The following NEK10 variants were observed in gnomAD, a reference collection of about 807,000 sequenced individuals.
NEK10 encodes NIMA related kinase 10.
Under a neutral mutation model 159.8 loss-of-function variants are expected in NEK10, and 122 were observed. That is an observed-to-expected ratio of 0.76 (90% CI 0.66 to 0.89). The LOEUF (loss-of-function observed/expected upper bound fraction) is 0.89, where lower values mean the gene tolerates loss of function less well. NEK10 is among the 40% of genes least tolerant of loss of function. The probability of loss-of-function intolerance (pLI) is 0.00; values close to 1 mark genes in which losing one functional copy is unlikely to be tolerated. For missense variants in NEK10, 1,342 were observed against 1,323.1 expected (o/e 1.01, Z -0.22); for synonymous variants, 466 against 457.1 (o/e 1.02, Z -0.25).
At chr3:27,328,213 T>C (rs562485708) in intron 5 of NEK10, among the ~76,000 whole-genome samples, 14 of 152,326 alleles carry the variant, frequency 9.2e-5, no homozygotes, top group African/African-American at 2.9e-4. Flanking sequence ...TCATCACCTG[T>C]GATCAGCCAA....
chr3:27,289,964 T>C (rs568595197), intron 19 of NEK10, among the ~76,000 whole-genome samples: 3 of 152,216 alleles, frequency 2.0e-5, no homozygotes, highest in African/African-American at 7.2e-5. Context: ...GCAAAGCTGA[T>C]AGTGCACCAC....
At chr3:27,327,393 T>C (rs3920005) in intron 5 of NEK10, among the ~76,000 whole-genome samples, 54,676 of 151,762 alleles carry the variant, frequency 0.36, 12,094 homozygotes, top group East Asian at 0.74. Flanking sequence ...ACTGAACTTA[T>C]GCCACTGTTT....
At chr3:27,264,338 G>A (rs942081888) in intron 22 of NEK10, among the ~76,000 whole-genome samples, 2 of 152,084 alleles carry the variant, frequency 1.3e-5, no homozygotes, top group African/African-American at 4.8e-5. Flanking sequence ...GGCATGACAA[G>A]AAAAGAAAAC....
chr3:27,196,879 A>G (rs1575194118), intron 25 of NEK10, among the ~76,000 whole-genome samples: 3 of 152,218 alleles, frequency 2.0e-5, no homozygotes, highest in African/African-American at 7.2e-5. Flanking sequence ...AATCACAGAG[A>G]TGAGCAGTTT....
intron 29 of NEK10, among the ~76,000 whole-genome samples, chr3:27,163,854 T>C (rs529031852): frequency 6.6e-6 from 1 of 152,338 alleles, no homozygotes; most frequent in South Asian, 2.1e-4. Context: ...GATAATTCTC[T>C]TGTCCCAACC....
intron 12 of NEK10, among the ~76,000 whole-genome samples, 191 bp from the exon 13 acceptor site, chr3:27,302,026 AT>A (rs2043865312): frequency 1.3e-5 from 2 of 152,022 alleles, no homozygotes; most frequent in South Asian, 2.1e-4. Context: ...ATGGTTACTG[AT>A]TTCTCACTAT....
At chr3:27,139,952 A>G (rs1489055915) in intron 31 of NEK10, among the ~76,000 whole-genome samples, 1 of 152,216 alleles carries the variant, frequency 6.6e-6, no homozygotes, top group Non-Finnish European at 1.5e-5. Flanking sequence ...GAGGCCAGGT[A>G]TGACACCGAA....
intron 19 of NEK10, among the ~76,000 whole-genome samples, chr3:27,290,179 C>A (rs1024660094): frequency 6.6e-6 from 1 of 152,060 alleles, no homozygotes; most frequent in African/African-American, 2.4e-5. Context: ...ACATAATAAC[C>A]CAACTTGAAA....
At chr3:27,141,336 GCTAAA>G (rs1943764548) in intron 31 of NEK10, 141 bp downstream of exon 31, 2 of 524,510 alleles carry the variant, frequency 3.8e-6, no homozygotes, top group Non-Finnish European at 6.6e-6. Flanking sequence ...CAGCTCTGCT[GCTAAA>G]CTAAAGTGTC....
chr3:27,181,498 G>A (rs984523712), intron 26 of NEK10, among the ~76,000 whole-genome samples: 1 of 152,054 alleles, frequency 6.6e-6, no homozygotes, highest in African/African-American at 2.4e-5. Context: ...CTCAGGAGTG[G>A]CAAAGGCAGA....
At chr3:27,227,995 G>GTTA (rs1341001935) in intron 23 of NEK10, among the ~76,000 whole-genome samples, 1 of 152,152 alleles carries the variant, frequency 6.6e-6, no homozygotes, top group Non-Finnish European at 1.5e-5. Flanking sequence ...CTTCTAGCTA[G>GTTA]TTATTATTAC....
chr3:27,331,262 A>AAAAAAAAAAAAAAAACACAC, intron 5 of NEK10, among the ~76,000 whole-genome samples: 32 of 110,132 alleles, frequency 2.9e-4, no homozygotes, highest in African/African-American at 8.4e-4. Flanking sequence ...AAAAAAAAAA[A>AAAAAAAAAAAAAAAACACAC]ACACACAAAC....
chr3:27,295,478 G>C, intron 15 of NEK10, 135 bp downstream of exon 15: 2 of 1,014,368 alleles, frequency 2.0e-6, no homozygotes, highest in Middle Eastern at 2.3e-4. Context: ...AGTCTTCCTT[G>C]CCAGATATTT....
rs10574966 is a variant in NEK10 at position 27,212,505 on chromosome 3, ACT to A, written c.2091-9950_2091-9949del. ...CGACAGCTTCCTCACAACCAATTTCACTCTGTCTCCCTATTCCCATTTGCTGA... is the reference window on the plus strand; with the variant it reads ...CGACAGCTTCCTCACAACCAATTTCACTGTCTCCCTATTCCCATTTGCTGA... On this transcript the variant is annotated intron_variant, in intron 23 of 35. Coordinates refer to ENST00000691995, the MANE Select transcript of NEK10 (RefSeq NM_001394966.1). Among the ~76,000 whole-genome samples, 683 of 152,238 alleles carry A rather than the reference ACT, an allele frequency of 4.5e-3. 6 individuals are homozygous for A. Among genetic ancestry groups the A allele is most frequent in the African/African-American group, 0.016 (650 of 41,528 alleles).
In NEK10 at chr3:27,131,944, C is replaced by A. The variant is rs142775446; in HGVS notation, c.3017G>T (p.Arg1006Ile). Residue 1006 changes from arginine (R) to isoleucine (I), a missense_variant, in exon 32 of 36, where the codon AGA becomes ATA. By Grantham distance (97) the Arg-to-Ile change is moderately conservative. Coordinates refer to ENST00000691995, the MANE Select transcript of NEK10 (RefSeq NM_001394966.1). ...CTGGCTGAAGAGGGATTTCTTGAAT[C>A]TCTCTATAACCCTTCTTTTCAAATT... ...HHNLKRRVIE[R>I]FKKSLFSQQS... is the part of the protein sequence containing the mutation. 2 of 1,609,138 alleles carry A rather than the reference C, an allele frequency of 1.2e-6. No homozygotes were observed. Among genetic ancestry groups the A allele is most frequent in the African/African-American group, 2.7e-5 (2 of 74,792 alleles).
At chr3:27,333,569 T>C (rs2046580703) in intron 5 of NEK10, among the ~76,000 whole-genome samples, 1 of 151,600 alleles carries the variant, frequency 6.6e-6, no homozygotes, top group African/African-American at 2.4e-5. Flanking sequence ...AAAAGAACTT[T>C]GTCTTCAATA....
intron 23 of NEK10, among the ~76,000 whole-genome samples, chr3:27,251,859 T>C (rs1955703836): frequency 6.6e-6 from 1 of 151,734 alleles, no homozygotes; most frequent in South Asian, 2.1e-4. Context: ...AACTATGTAA[T>C]ATATAAAGAT....
chr3:27,303,174 A>G (rs927014701), intron 12 of NEK10, among the ~76,000 whole-genome samples: 2 of 152,224 alleles, frequency 1.3e-5, no homozygotes, highest in African/African-American at 4.8e-5. Context: ...GTCCTGGGGA[A>G]AAGTTTGCTA....
chr3:27,308,683 G>C (rs2044435569), intron 10 of NEK10, among the ~76,000 whole-genome samples: 1 of 152,136 alleles, frequency 6.6e-6, no homozygotes, highest in African/African-American at 2.4e-5. Flanking sequence ...CTGAGGGTTA[G>C]ATGAAAAGAC....
Sources: allele counts gnomAD v4.1 joint callset (sites outside exome capture counted in the v4.1 genomes callset), GRCh38; gene constraint gnomAD v4.1.1; transcripts MANE v1.5; gene names NCBI Gene and HGNC (gene_info 2026-07-23, HGNC 2026-07-21).